The following HS3ST1 variants were observed in gnomAD, a reference collection of about 807,000 sequenced individuals.
HS3ST1 encodes the protein heparan sulfate-glucosamine 3-sulfotransferase 1.
In HS3ST1, 8 loss-of-function variants were observed where a neutral mutation model predicts 20.7. The ratio of observed to expected loss-of-function variants is 0.39; its 90% CI spans 0.23 to 0.70. HS3ST1 has a LOEUF of 0.70. Among genes scored for constraint, HS3ST1 ranks in the 30% least tolerant of loss-of-function variants. The pLI is 0.46. For missense variants in HS3ST1, 436 were observed against 423.4 expected (o/e 1.03, Z -0.26); for synonymous variants, 205 against 190.4 (o/e 1.08, Z -0.63).
At position 11,396,022 on chromosome 4, in the gene HS3ST1, G is replaced by C. The variant is rs1718135303; in HGVS notation, c.*3060C>G. ...TATATTCTTGAGGACTCAATACCAT[G>C]TTGAGCATGTGGTAGGGGATCAAAA... On this transcript the variant is annotated 3_prime_UTR_variant, in exon 2 of 2. Coordinates refer to ENST00000002596, the MANE Select transcript of HS3ST1 (RefSeq NM_005114.4). 2 of 151,872 alleles carry C rather than the reference G, an allele frequency of 1.3e-5. No homozygotes were observed. Among genetic ancestry groups the C allele is most frequent in the African/African-American group, 2.4e-5 (1 of 41,348 alleles). 9.4% of individuals were successfully genotyped at this position (151,872 alleles called of 1,614,324 possible). A position where few individuals can be genotyped will look rare whatever the true frequency, so the allele number is the denominator to read the frequency against.
rs1401933900 is a variant in HS3ST1 at position 11,394,792 on chromosome 4, T to A, written c.*4290A>T. Reference sequence around the variant, plus strand: ...GGCTCTATCAACATGGGCAAGCCCTTTAATTTCTGAGTTTATTTTTCTGTA... The same window carrying A: ...GGCTCTATCAACATGGGCAAGCCCTATAATTTCTGAGTTTATTTTTCTGTA... On this transcript the variant is annotated 3_prime_UTR_variant, in exon 2 of 2. Transcript: ENST00000002596. 6.6e-6 allele frequency: 1 copy of A among 152,246 alleles called. No individual in the cohort carries two copies. The highest frequency in any genetic ancestry group is 1.9e-4 in the East Asian group (1 of 5,196). The allele number at this position is 152,246 out of a possible 1,614,324, so 9.4% of individuals were successfully genotyped here.
At chr4:11,426,022 C>T (rs1560238483) in intron 1 of HS3ST1, among the ~76,000 whole-genome samples, 1 of 152,142 alleles carries the variant, frequency 6.6e-6, no homozygotes, top group African/African-American at 2.4e-5. Flanking sequence ...AAAAAGTTAC[C>T]ACTCTCCTGC....
rs764361372 is a variant in HS3ST1 at position 11,399,593 on chromosome 4, G to A, written c.413C>T (p.Pro138Leu). Residue 138 changes from proline (P) to leucine (L), a missense_variant, in exon 2 of 2, where the codon CCG becomes CTG. Pro to Leu is a moderately conservative substitution (Grantham distance 98). Transcript: ENST00000002596. The surrounding 1 kb of genome is among the most constrained non-coding windows in gnomAD (Gnocchi z 5.1). Reference sequence around the variant, plus strand: ...CAGGATGAGCAGCAGCCGGATGGACGGGTTCATGCTGTAGACTCGCTCAGG... The same window carrying A: ...CAGGATGAGCAGCAGCCGGATGGACAGGTTCATGCTGTAGACTCGCTCAGG... ...KVPERVYSMNPSIRLLLILRD... is the reference protein window; with the variant it reads ...KVPERVYSMNLSIRLLLILRD... 5.0e-6 allele frequency: 8 copies of A among 1,613,760 alleles called. No individual in the cohort carries two copies. The highest frequency in any genetic ancestry group is 2.2e-5 in the South Asian group (2 of 91,092).
At chr4:11,409,246 A>C (rs545912665) in intron 1 of HS3ST1, among the ~76,000 whole-genome samples, 70 of 152,160 alleles carry the variant, frequency 4.6e-4, no homozygotes, top group Non-Finnish European at 7.5e-4. Flanking sequence ...ATACAAACCA[A>C]AGTAAATTGT....
chr4:11,402,040 TA>T (rs1231002827), intron 1 of HS3ST1, among the ~76,000 whole-genome samples: 1 of 152,222 alleles, frequency 6.6e-6, no homozygotes, highest in Non-Finnish European at 1.5e-5. Flanking sequence ...ACAAAGCTAG[TA>T]AAAATATTCT....
intron 1 of HS3ST1, among the ~76,000 whole-genome samples, chr4:11,404,756 T>G (rs1437116619): frequency 6.6e-6 from 1 of 152,214 alleles, no homozygotes; most frequent in Admixed American, 6.5e-5. Flanking sequence ...CAGAATTCTC[T>G]ATAGCACCTG....
chr4:11,424,169 C>T (rs910050776), intron 1 of HS3ST1, among the ~76,000 whole-genome samples: 5 of 152,134 alleles, frequency 3.3e-5, no homozygotes, highest in African/African-American at 1.2e-4. Context: ...CTGTTCCACT[C>T]AAGCTGTTAC....
chr4:11,429,069 C>G (rs746827058), upstream of HS3ST1: 4 of 152,460 alleles, frequency 2.6e-5, no homozygotes, highest in Non-Finnish European at 5.9e-5. Flanking sequence ...GCCCAGAGTC[C>G]GGCCCGCTAG....
At chr4:11,412,463 A>C (rs1718662138) in intron 1 of HS3ST1, among the ~76,000 whole-genome samples, 1 of 152,234 alleles carries the variant, frequency 6.6e-6, no homozygotes, top group South Asian at 2.1e-4. Context: ...TTCCTAGCCA[A>C]AGTGATTACT....
At chr4:11,425,847 G>A (rs975688842) in intron 1 of HS3ST1, among the ~76,000 whole-genome samples, 1 of 152,104 alleles carries the variant, frequency 6.6e-6, no homozygotes, top group African/African-American at 2.4e-5. Flanking sequence ...GCAAGAAGTT[G>A]GCTTTAAATC....
chr4:11,423,021 CAAAAAA>C (rs71181101), intron 1 of HS3ST1, among the ~76,000 whole-genome samples: 47 of 34,384 alleles, frequency 1.4e-3, no homozygotes, highest in African/African-American at 4.1e-3. Context: ...GAGACACCGT[CAAAAAA>C]AAAAAAAAAA....
chr4:11,432,498 G>A (rs1719223768), upstream of HS3ST1, among the ~76,000 whole-genome samples: 1 of 152,166 alleles, frequency 6.6e-6, no homozygotes, highest in African/African-American at 2.4e-5. Context: ...AGGGAAGCTT[G>A]TTGGGTATTG....
rs1473109460 is a variant in HS3ST1, at chr4:11,399,293, G to C, written c.713C>G (p.Ser238Trp). 6.2e-7 allele frequency: 1 copy of C among 1,614,128 alleles called. No individual in the cohort carries two copies. The highest frequency in any genetic ancestry group is 8.5e-7 in the Non-Finnish European group (1 of 1,180,028). ...GAAGTTCGAAGCATTGATCTGCGGCGACAGCTTTAGGAACCTCTCGACCTT... is the reference window on the plus strand; with the variant it reads ...GAAGTTCGAAGCATTGATCTGCGGCCACAGCTTTAGGAACCTCTCGACCTT... ...IQKVERFLKL[S>W]PQINASNFYF... The change falls in exon 2 of 2, where the codon TCG becomes TGG. Residue 238 changes from serine to tryptophan, a missense_variant. Coordinates refer to ENST00000002596, the MANE Select transcript of HS3ST1 (RefSeq NM_005114.4). This position sits in a 1 kb window ranked among gnomAD's most constrained non-coding sequence, Gnocchi z 5.1.
At position 11,399,878 on chromosome 4, in the gene HS3ST1, T is replaced by C. The variant is rs758579342; in HGVS notation, c.128A>G (p.Asp43Gly). 1.9e-6 allele frequency: 3 copies of C among 1,611,910 alleles called. No individual in the cohort carries two copies. Among genetic ancestry groups the C allele is most frequent in the Admixed American group, 1.7e-5 (1 of 59,978 alleles). Reference protein sequence around the residue: ...KAGTLQDDVRDGVAPNGSAQQ... With the variant: ...KAGTLQDDVRGGVAPNGSAQQ... Reference sequence around the variant, plus strand: ...GGCAGAGCCGTTTGGGGCCACGCCATCGCGGACGTCATCCTGGAGGGTCCC... The same window carrying C: ...GGCAGAGCCGTTTGGGGCCACGCCACCGCGGACGTCATCCTGGAGGGTCCC... Residue 43 changes from aspartate to glycine, a missense_variant, in exon 2 of 2, where the codon GAT becomes GGT. Physicochemically the swap from Asp to Gly is moderately conservative, Grantham distance 94. Transcript: ENST00000002596. The surrounding 1 kb of genome is among the most constrained non-coding windows in gnomAD (Gnocchi z 5.1).
rs759333668 is a variant in HS3ST1 at position 11,399,711 on chromosome 4, C to T, written c.295G>A (p.Gly99Ser). 1.9e-6 allele frequency: 3 copies of T among 1,613,916 alleles called. No homozygotes were observed. Among genetic ancestry groups the T allele is most frequent in the South Asian group, 1.1e-5 (1 of 91,084 alleles). The change falls in exon 2 of 2, where the codon GGC becomes AGC. Residue 99 changes from glycine to serine, a missense_variant. Gly to Ser is a moderately conservative substitution (Grantham distance 56, BLOSUM62 0). Transcript: ENST00000002596. This position sits in a 1 kb window ranked among gnomAD's most constrained non-coding sequence, Gnocchi z 5.1. ...FFDWEEHYSH[G>S]LGWYLSQMPF... ...ATCTGGCTGAGGTACCAGCCCAAGC[C>T]GTGGCTGTAATGCTCCTCCCAGTCG...
chr4:11,421,850 AG>A (rs1560237216), intron 1 of HS3ST1, among the ~76,000 whole-genome samples: 1 of 152,196 alleles, frequency 6.6e-6, no homozygotes, highest in Non-Finnish European at 1.5e-5. Flanking sequence ...CTGGATCCGG[AG>A]TCTGCCACCT....
chr4:11,404,656 C>G (rs909706859), intron 1 of HS3ST1, among the ~76,000 whole-genome samples: 2 of 152,184 alleles, frequency 1.3e-5, no homozygotes. Flanking sequence ...AAGGCAAATT[C>G]GATCTTCTCC....
chr4:11,419,087 C>T (rs1397969416), intron 1 of HS3ST1, among the ~76,000 whole-genome samples: 6 of 151,942 alleles, frequency 3.9e-5, no homozygotes, highest in African/African-American at 1.4e-4. Flanking sequence ...CTTCTATGCT[C>T]TTCAAATCCT....
intron 1 of HS3ST1, among the ~76,000 whole-genome samples, chr4:11,403,210 T>G (rs1411377067): frequency 6.6e-6 from 1 of 152,254 alleles, no homozygotes; most frequent in Non-Finnish European, 1.5e-5. Flanking sequence ...TGTAAATGTA[T>G]GCACACATAT....
Sources: gnomAD v4.1 joint callset for allele counts (sites outside exome capture counted in the v4.1 genomes callset) on GRCh38, gnomAD v4.1.1 for gene constraint, Gnocchi (gnomAD v3.1) non-coding constraint, MANE v1.5 for transcripts, NCBI Gene and HGNC (gene_info 2026-07-23, HGNC 2026-07-21) for gene names.